Variants in MSRA observed in about 807,000 individuals in gnomAD.
MSRA encodes methionine sulfoxide reductase A, also known as mitochondrial peptide methionine sulfoxide reductase.
MSRA carries 54 observed loss-of-function variants against 31.3 expected under a neutral mutation model. That is an observed-to-expected ratio of 1.73 (90% CI 1.39 to 2.17). The LOEUF (loss-of-function observed/expected upper bound fraction) is 2.17, where lower values mean the gene tolerates loss of function less well. Ranked by LOEUF, MSRA falls within the 30% of genes most tolerant of loss-of-function variation. The pLI, the probability that MSRA is intolerant of heterozygous loss-of-function variation, is 0.00. For missense variants in MSRA, 507 were observed against 300.9 expected (o/e 1.69, Z -5.07); for synonymous variants, 169 against 116.5 (o/e 1.45, Z -2.90).
At chr8:10,105,135 A>G (rs1564808) in intron 1 of MSRA, among the ~76,000 whole-genome samples, 86,784 of 152,002 alleles carry the variant, frequency 0.57, 26,521 homozygotes, top group Non-Finnish European at 0.68. Flanking sequence ...TTTTATTCTT[A>G]CTAATTTGTA....
At chr8:10,255,057 G>A (rs549226290) in intron 3 of MSRA, among the ~76,000 whole-genome samples, 11 of 152,376 alleles carry the variant, frequency 7.2e-5, no homozygotes, top group African/African-American at 2.6e-4. Context: ...AAGATGCTGT[G>A]ATTGGGAGAG....
chr8:10,275,958 C>T (rs2952161), intron 3 of MSRA, among the ~76,000 whole-genome samples: 13,979 of 152,212 alleles, frequency 0.092, 880 homozygotes, highest in Admixed American at 0.21. Flanking sequence ...AAAGTGAAAT[C>T]GCACTGCTAA....
In MSRA at chr8:10,319,189, C is replaced by T. The variant is rs377258739; in HGVS notation, c.437-694C>T. Among the ~76,000 whole-genome samples the T allele has an allele frequency of 1.1e-4, 17 of 152,300 alleles. No individual in the cohort carries two copies. The South Asian group carries it at 2.7e-3, about 24-fold the overall frequency. The stretch of plus-strand genomic sequence containing the variant: ...GAATGTGACTAGCTGAAACATGCTA[C>T]TGGGTCCAATTCCTGAATCCCAGTG... On this transcript the variant is annotated intron_variant, in intron 4 of 5. Transcript: ENST00000317173.
chr8:10,329,193 G>T (rs1802549139), intron 5 of MSRA, among the ~76,000 whole-genome samples: 2 of 152,152 alleles, frequency 1.3e-5, no homozygotes, highest in African/African-American at 4.8e-5. Flanking sequence ...CAAACTGGAT[G>T]GCTTAAAAGC....
At chr8:10,065,981 A>G (rs1313924226) in intron 1 of MSRA, among the ~76,000 whole-genome samples, 1 of 148,624 alleles carries the variant, frequency 6.7e-6, no homozygotes, top group Non-Finnish European at 1.5e-5. Context: ...AATTATATAT[A>G]TAAAATATAT....
chr8:10,062,228 T>TGCAGCAGCA (rs758672466), intron 1 of MSRA, among the ~76,000 whole-genome samples: 2 of 152,262 alleles, frequency 1.3e-5, no homozygotes, highest in South Asian at 4.1e-4. Context: ...CTCCTTCCCA[T>TGCAGCAGCA]GCAGCAGCAG....
chr8:10,283,047 A>T (rs535142183), intron 3 of MSRA, among the ~76,000 whole-genome samples: 25 of 152,108 alleles, frequency 1.6e-4, no homozygotes, highest in African/African-American at 5.5e-4. Flanking sequence ...GAGCTTCCTT[A>T]AACCTGGTCC....
chr8:10,175,726 G>C (rs187316266), intron 1 of MSRA, among the ~76,000 whole-genome samples: 10 of 152,290 alleles, frequency 6.6e-5, no homozygotes, highest in Admixed American at 5.9e-4. Context: ...TTTCCATCCA[G>C]TCCTTGTACA....
intron 1 of MSRA, among the ~76,000 whole-genome samples, chr8:10,139,473 CCAAA>C (rs1271959142): frequency 1.3e-5 from 2 of 152,128 alleles, no homozygotes; most frequent in Non-Finnish European, 2.9e-5. Context: ...TAGCCGTCAC[CCAAA>C]CAGTGTGCAT....
At chr8:10,271,698 A>C (rs1023499577) in intron 3 of MSRA, among the ~76,000 whole-genome samples, 1 of 150,342 alleles carries the variant, frequency 6.7e-6, no homozygotes, top group Non-Finnish European at 1.5e-5. Context: ...TAAATGATTT[A>C]TGTAATTTCC....
chr8:10,167,213 A>G (rs1225037725), intron 1 of MSRA, among the ~76,000 whole-genome samples: 1 of 152,198 alleles, frequency 6.6e-6, no homozygotes, highest in Admixed American at 6.5e-5. Context: ...CTCCCACTGC[A>G]GCTGAGTTCT....
intron 1 of MSRA, among the ~76,000 whole-genome samples, chr8:10,109,280 T>C (rs1430248415): frequency 6.6e-6 from 1 of 152,192 alleles, no homozygotes; most frequent in Non-Finnish European, 1.5e-5. Flanking sequence ...TTTAAATCAA[T>C]ATTAGAGTAC....
At chr8:10,147,529 C>A (rs150199228) in intron 1 of MSRA, among the ~76,000 whole-genome samples, 1 of 152,192 alleles carries the variant, frequency 6.6e-6, no homozygotes, top group Non-Finnish European at 1.5e-5. Context: ...GGAAGTGACA[C>A]ACTCTGTCTC....
intron 1 of MSRA, among the ~76,000 whole-genome samples, chr8:10,164,395 G>C (rs1269561070): frequency 1.3e-5 from 2 of 152,160 alleles, no homozygotes; most frequent in Non-Finnish European, 2.9e-5. Context: ...TGCTGGCTGG[G>C]TTTCTCCAAG....
chr8:10,081,178 A>G (rs1798274683), intron 1 of MSRA, among the ~76,000 whole-genome samples: 2 of 152,186 alleles, frequency 1.3e-5, no homozygotes, highest in South Asian at 2.1e-4. Flanking sequence ...ATCAGGAGGC[A>G]TCATATAAGA....
At chr8:10,410,324 TG>T (rs1001271435) in intron 5 of MSRA, among the ~76,000 whole-genome samples, 2 of 152,134 alleles carry the variant, frequency 1.3e-5, no homozygotes, top group Non-Finnish European at 2.9e-5. Flanking sequence ...GTCACTTGTT[TG>T]GGGGGTGCCG....
intron 2 of MSRA, among the ~76,000 whole-genome samples, chr8:10,230,757 T>C (rs1328598429): frequency 6.6e-6 from 1 of 152,194 alleles, no homozygotes; most frequent in Non-Finnish European, 1.5e-5. Context: ...TTAAGATTCT[T>C]GCATCTTACC....
chr8:10,300,489 C>T (rs1310876968), intron 3 of MSRA, among the ~76,000 whole-genome samples: 1 of 152,132 alleles, frequency 6.6e-6, no homozygotes, highest in Non-Finnish European at 1.5e-5. Flanking sequence ...CTCCTGACCT[C>T]AAGTGATCCG....
chr8:10,397,830 A>G (rs892811817), intron 5 of MSRA, among the ~76,000 whole-genome samples: 5 of 152,190 alleles, frequency 3.3e-5, no homozygotes, highest in Non-Finnish European at 7.3e-5. Context: ...AGTCTTTAGA[A>G]CTTTTTATTC....
Sources: gnomAD v4.1 joint callset for allele counts (sites outside exome capture counted in the v4.1 genomes callset) on GRCh38, gnomAD v4.1.1 for gene constraint, MANE v1.5 for transcripts, NCBI Gene and HGNC (gene_info 2026-07-23, HGNC 2026-07-21) for gene names.